The following CFAP54 variants were observed in gnomAD, a reference collection of about 807,000 sequenced individuals.
CFAP54 encodes the protein cilia- and flagella-associated protein 54.
In CFAP54, 290 loss-of-function variants were observed where a neutral mutation model predicts 370.4. That is an observed-to-expected ratio of 0.78 (90% CI 0.71 to 0.86). The LOEUF is 0.86. Among genes scored for constraint, CFAP54 ranks in the 40% least tolerant of loss-of-function variants. The pLI is 0.00. For synonymous variants in CFAP54, 1,206 were observed against 1,236.5 expected (o/e 0.98, Z 0.52); for missense variants, 3,399 against 3,528.7 (o/e 0.96, Z 0.93).
At chr12:96,839,198 C>G (rs1959196720) in intron 66 of CFAP54, among the ~76,000 whole-genome samples, 1 of 152,174 alleles carries the variant, frequency 6.6e-6, no homozygotes, top group South Asian at 2.1e-4. Context: ...TGTTTAATCT[C>G]AATGCTTTGA....
intron 5 of CFAP54, among the ~76,000 whole-genome samples, chr12:96,517,071 A>G (rs1955244393): frequency 6.6e-6 from 1 of 152,060 alleles, no homozygotes; most frequent in Non-Finnish European, 1.5e-5. Flanking sequence ...TAATAGAAAC[A>G]ATTATTTGTA....
intron 38 of CFAP54, among the ~76,000 whole-genome samples, chr12:96,663,487 A>G (rs1315479286): frequency 9.3e-5 from 3 of 32,250 alleles, no homozygotes; most frequent in African/African-American, 8.1e-4. Context: ...AGTAGGGTGG[A>G]AAAATCTGCA....
rs573034227 is a variant in CFAP54 at position 96,750,881 on chromosome 12, G to A, written c.7685-2862G>A. Among the ~76,000 whole-genome samples the A allele has an allele frequency of 3.9e-5, 6 of 152,214 alleles. No homozygotes were observed. The South Asian group carries it at 8.3e-4, about 21-fold the overall frequency. On this transcript the variant is annotated intron_variant, in intron 55 of 67. Transcript: ENST00000524981. ...GTCAAAACAACATCAGTTTTACAAC[G>A]TCTTTTTCACAGAGTTGATATTTAC... is the stretch of plus-strand genomic sequence containing the variant.
rs118177759 is a variant in CFAP54, at chr12:96,681,894, C to A, written c.5716+2142C>A. 8.5e-3 allele frequency among the ~76,000 whole-genome samples: 1,291 copies of A among 152,064 alleles called. 53 individuals carry two copies. In the East Asian group the frequency reaches 0.097, roughly 11 times the overall value. On this transcript the variant is annotated intron_variant, in intron 40 of 67. Transcript: ENST00000524981. ...GATTATAGGTGTGAGCCATTGTGCC[C>A]GGCCCCTCTGTAGTGCTTGTGATGA...
intron 8 of CFAP54, 142 bp from the exon 9 acceptor site, chr12:96,527,103 GC>G (rs1472207573): frequency 5.0e-6 from 3 of 605,192 alleles, no homozygotes; most frequent in Non-Finnish European, 7.9e-6. Context: ...TCACTGTGTT[GC>G]CCAGGTGGTC....
At chr12:96,637,004 A>G (rs1226289344) in intron 32 of CFAP54, among the ~76,000 whole-genome samples, 1 of 152,192 alleles carries the variant, frequency 6.6e-6, no homozygotes, top group African/African-American at 2.4e-5. Context: ...GTACATTTTC[A>G]TTTACCCAGA....
intron 20 of CFAP54, among the ~76,000 whole-genome samples, chr12:96,578,871 T>C (rs889258899): frequency 6.6e-6 from 1 of 152,232 alleles, no homozygotes; most frequent in Admixed American, 6.5e-5. Context: ...GTATAAACTG[T>C]TCTAAAGTTA....
chr12:96,600,562 A>G (rs1956228330), intron 26 of CFAP54, among the ~76,000 whole-genome samples: 1 of 152,194 alleles, frequency 6.6e-6, no homozygotes, highest in East Asian at 1.9e-4. Flanking sequence ...CACTGAATCT[A>G]TAAATTACCT....
intron 65 of CFAP54, among the ~76,000 whole-genome samples, chr12:96,827,772 ATATAGTTATATATAAT>A (rs1959135893): frequency 8.3e-6 from 1 of 121,062 alleles, no homozygotes; most frequent in African/African-American, 3.2e-5. Context: ...ATTATATTAT[ATATAGTTATATATAAT>A]ATATAATTAT....
rs1006121522 is a variant in CFAP54, at chr12:96,625,828, T to C, written c.3976+21T>C. 18 of 1,459,992 alleles carry C rather than the reference T, an allele frequency of 1.2e-5. No individual in the cohort carries two copies. The South Asian group carries it at 2.2e-4, about 18-fold the overall frequency. 90.4% of individuals were successfully genotyped at this position (1,459,992 alleles called of 1,614,324 possible). A position where few individuals can be genotyped will look rare whatever the true frequency, so the allele number is the denominator to read the frequency against. ...AGAAGGTAGGTGAACTGGATGTGTA[T>C]ATGCTGTTCACTCGATTTATCACTG... is the stretch of plus-strand genomic sequence containing the variant. On this transcript the variant is annotated intron_variant, in intron 29 of 67. Transcript: ENST00000524981.
chr12:96,732,063 G>A (rs576038092), intron 50 of CFAP54, among the ~76,000 whole-genome samples: 8 of 152,086 alleles, frequency 5.3e-5, no homozygotes, highest in Non-Finnish European at 1.2e-4. Flanking sequence ...AAGACTGAGT[G>A]TAGAAAAAGA....
intron 65 of CFAP54, among the ~76,000 whole-genome samples, chr12:96,821,495 A>G (rs1008380318): frequency 1.3e-5 from 2 of 152,120 alleles, no homozygotes; most frequent in Admixed American, 1.3e-4. Context: ...TCCAACCTAG[A>G]AAGTGTTTCT....
intron 32 of CFAP54, among the ~76,000 whole-genome samples, 177 bp from the exon 33 acceptor site, chr12:96,644,001 T>C (rs1294820566): frequency 6.6e-6 from 1 of 152,182 alleles, no homozygotes; most frequent in Non-Finnish European, 1.5e-5. Flanking sequence ...TGTGCCTTTT[T>C]TTAAACCACC....
intron 17 of CFAP54, among the ~76,000 whole-genome samples, chr12:96,563,831 C>A (rs1181546069): frequency 6.6e-6 from 1 of 152,210 alleles, no homozygotes; most frequent in Admixed American, 6.5e-5. Flanking sequence ...ATCAGTGCTA[C>A]AGTTTCCATC....
At chr12:96,744,895 C>T (rs1027091387) in intron 55 of CFAP54, among the ~76,000 whole-genome samples, 14 of 152,200 alleles carry the variant, frequency 9.2e-5, no homozygotes, top group African/African-American at 2.9e-4. Context: ...TCCCCCTCGA[C>T]GTGTCCATGT....
At chr12:96,727,832 G>A (rs1448644940) in intron 50 of CFAP54, among the ~76,000 whole-genome samples, 5 of 151,636 alleles carry the variant, frequency 3.3e-5, no homozygotes, top group Non-Finnish European at 5.9e-5. Context: ...TCCTTTCCAT[G>A]TTTAGTGCTT....
At chr12:96,618,535 CT>C (rs1431429359) in intron 26 of CFAP54, among the ~76,000 whole-genome samples, 3 of 152,120 alleles carry the variant, frequency 2.0e-5, no homozygotes, top group Non-Finnish European at 4.4e-5. Flanking sequence ...AACATTTCCT[CT>C]GTGGACAGGA....
intron 48 of CFAP54, among the ~76,000 whole-genome samples, chr12:96,714,790 A>C (rs189852765): frequency 5.9e-5 from 9 of 152,230 alleles, no homozygotes; most frequent in Admixed American, 2.0e-4. Flanking sequence ...TAAAAAAAAA[A>C]CTGAAAAAGT....
intron 66 of CFAP54, among the ~76,000 whole-genome samples, chr12:96,831,444 T>G (rs553245981): frequency 2.0e-5 from 3 of 152,316 alleles, no homozygotes; most frequent in South Asian, 4.1e-4. Flanking sequence ...TTACTTATGA[T>G]CTATAGTTGC....
Sources: allele counts gnomAD v4.1 joint callset (sites outside exome capture counted in the v4.1 genomes callset), GRCh38; gene constraint gnomAD v4.1.1; transcripts MANE v1.5; gene names NCBI Gene and HGNC (gene_info 2026-07-23, HGNC 2026-07-21).